NT5DC1: variants seen among roughly 807,000 people sequenced by gnomAD.
NT5DC1 encodes 5'-nucleotidase domain-containing protein 1.
NT5DC1 carries 42 observed loss-of-function variants against 59.4 expected under a neutral mutation model. That is an observed-to-expected ratio of 0.71 (90% CI 0.55 to 0.92). The LOEUF (loss-of-function observed/expected upper bound fraction) is 0.92. NT5DC1 is among the 40% of genes least tolerant of loss of function. The probability of loss-of-function intolerance (pLI) is 0.00; values close to 1 mark genes in which losing one functional copy is unlikely to be tolerated. For synonymous variants in NT5DC1, 172 were observed against 188.1 expected (o/e 0.91, Z 0.70); for missense variants, 501 against 537.1 (o/e 0.93, Z 0.66).
At chr6:116,167,353 C>T (rs539377861) in intron 6 of NT5DC1, among the ~76,000 whole-genome samples, 1 of 151,954 alleles carries the variant, frequency 6.6e-6, no homozygotes. Context: ...ATTGGGACTA[C>T]AGGCATGCGC....
At chr6:116,190,913 T>G (rs1308175841) in intron 6 of NT5DC1, among the ~76,000 whole-genome samples, 1 of 151,978 alleles carries the variant, frequency 6.6e-6, no homozygotes, top group Non-Finnish European at 1.5e-5. Flanking sequence ...TACCCCTGTT[T>G]ATAAGGATGA....
At chr6:116,134,930 A>C (rs1779553259) in intron 6 of NT5DC1, among the ~76,000 whole-genome samples, 1 of 152,312 alleles carries the variant, frequency 6.6e-6, no homozygotes, top group Admixed American at 6.5e-5. Flanking sequence ...GAATCTTGGG[A>C]GTTTAGAGAG....
At chr6:116,184,905 T>C (rs955429382) in intron 6 of NT5DC1, among the ~76,000 whole-genome samples, 2 of 152,038 alleles carry the variant, frequency 1.3e-5, no homozygotes, top group East Asian at 3.9e-4. Flanking sequence ...ATTATTTCTT[T>C]TCTTCTGCTG....
chr6:116,108,397 G>T lies in NT5DC1; in HGVS notation c.219G>T (p.Gly73=). 1 of 1,610,546 alleles carries T rather than the reference G, an allele frequency of 6.2e-7. No individual in the cohort carries two copies. ...CKGLALDLED[G]NFLKLANNGT... ...GTTTGGCATTGGATCTAGAAGATGG[G>T]AACTTCCTTAAACTTGCAAATAATG... Residue 73 remains glycine, a synonymous_variant, in exon 3 of 12, where the codon GGG becomes GGT. Transcript: ENST00000319550.
intron 6 of NT5DC1, among the ~76,000 whole-genome samples, chr6:116,195,407 C>CT (rs1212300607): frequency 2.0e-5 from 3 of 151,236 alleles, no homozygotes; most frequent in Non-Finnish European, 3.0e-5. Flanking sequence ...ATTAAATTAA[C>CT]TTTTTTTTTA....
intron 6 of NT5DC1, among the ~76,000 whole-genome samples, chr6:116,189,559 T>A (rs1193355939): frequency 6.6e-6 from 1 of 151,962 alleles, no homozygotes; most frequent in African/African-American, 2.4e-5. Context: ...TGGATGACAT[T>A]GAGTTGTGCT....
chr6:116,244,193 A>G lies in NT5DC1; in HGVS notation c.*169A>G, dbSNP rs1422500465. The G allele has an allele frequency of 9.1e-6, 4 of 438,720 alleles. No individual in the cohort carries two copies. Among genetic ancestry groups the G allele is most frequent in the African/African-American group, 8.1e-5 (4 of 49,218 alleles). The allele number at this position is 438,720 out of a possible 1,614,324, so 27.2% of individuals were successfully genotyped here. On this transcript the variant is annotated 3_prime_UTR_variant, in exon 12 of 12. Coordinates refer to ENST00000319550, the MANE Select transcript of NT5DC1 (RefSeq NM_152729.3). Reference sequence around the variant, plus strand: ...ATCATCTTGATGTTTAACAACTCTTATTATATTAAAATCTCAGTATCCTAA... The same window carrying G: ...ATCATCTTGATGTTTAACAACTCTTGTTATATTAAAATCTCAGTATCCTAA...
In NT5DC1 at chr6:116,235,034, GGTT is replaced by G. The variant is rs1274240152; in HGVS notation, c.803-1931_803-1929del. ...GAATTTTTTGTTTTGACTTGATTTGGGTTTTTTTTTTTTTTTTTTGCTTCCTAT... is the reference window on the plus strand; with the variant it reads ...GAATTTTTTGTTTTGACTTGATTTGGTTTTTTTTTTTTTTTTGCTTCCTAT... On this transcript the variant is annotated intron_variant, in intron 8 of 11. Coordinates refer to ENST00000319550, the MANE Select transcript of NT5DC1 (RefSeq NM_152729.3). 3.7e-5 allele frequency among the ~76,000 whole-genome samples: 3 copies of G among 80,772 alleles called. No individual in the cohort carries two copies. In the East Asian group the frequency reaches 2.3e-3, roughly 61 times the overall value. The allele number at this position is 80,772 out of a possible 152,430, so 53.0% of individuals were successfully genotyped here. A position where few individuals can be genotyped will look rare whatever the true frequency, so the allele number is the denominator to read the frequency against.
At chr6:116,237,377 A>T in intron 9 of NT5DC1, 1 of 533,060 alleles carries the variant, frequency 1.9e-6, no homozygotes, top group Non-Finnish European at 3.6e-6. Context: ...TAGCTTAAAG[A>T]TACACTTGTT....
At position 116,186,993 on chromosome 6, in the gene NT5DC1, T is replaced by C. The variant is rs548005276; in HGVS notation, c.530-34061T>C. On this transcript the variant is annotated intron_variant, in intron 6 of 11. Transcript: ENST00000319550. ...CTGGTTCCTTCTCATTTGGGTAAACTATGTCAGATGGTAGATCCGGGACTC... is the reference window on the plus strand; with the variant it reads ...CTGGTTCCTTCTCATTTGGGTAAACCATGTCAGATGGTAGATCCGGGACTC... Among the ~76,000 whole-genome samples the C allele has an allele frequency of 2.7e-4, 41 of 152,180 alleles. 1 individual carries two copies. The South Asian group carries it at 6.6e-3, about 25-fold the overall frequency.
At chr6:116,170,414 G>A (rs974806065) in intron 6 of NT5DC1, among the ~76,000 whole-genome samples, 1 of 152,082 alleles carries the variant, frequency 6.6e-6, no homozygotes, top group Admixed American at 6.5e-5. Context: ...AGATTATCTA[G>A]CCACCATTTA....
chr6:116,149,037 C>T (rs1211711167), intron 6 of NT5DC1, among the ~76,000 whole-genome samples: 1 of 152,062 alleles, frequency 6.6e-6, no homozygotes, highest in Non-Finnish European at 1.5e-5. Flanking sequence ...ATTTTTAGCC[C>T]ATTCCATGTG....
rs375829183 is a variant in NT5DC1, at chr6:116,238,354, G to C, written c.1083+6G>C. 1.3e-6 allele frequency: 2 copies of C among 1,571,970 alleles called. No homozygotes were observed. Among genetic ancestry groups the C allele is most frequent in the Non-Finnish European group, 1.7e-6 (2 of 1,162,618 alleles). On this transcript the variant is annotated splice_donor_region_variant and intron_variant, in intron 10 of 11. Transcript: ENST00000319550. ...AGAAGAAAGGAAAATATGAGGTAAGGGTTCCCTGCAGCTCTTTCCTTGAAA... is the reference window on the plus strand; with the variant it reads ...AGAAGAAAGGAAAATATGAGGTAAGCGTTCCCTGCAGCTCTTTCCTTGAAA...
intron 6 of NT5DC1, among the ~76,000 whole-genome samples, chr6:116,144,514 G>C (rs1779848109): frequency 6.6e-6 from 1 of 151,130 alleles, no homozygotes; most frequent in Non-Finnish European, 1.5e-5. Flanking sequence ...AAAAAAAAAA[G>C]TGTAAAAGGA....
intron 6 of NT5DC1, among the ~76,000 whole-genome samples, chr6:116,206,139 A>G (rs1781445094): frequency 6.6e-6 from 1 of 151,996 alleles, no homozygotes; most frequent in African/African-American, 2.4e-5. Flanking sequence ...GGTAAGTAGC[A>G]TTTTGATAAG....
chr6:116,137,450 G>A (rs565907370), intron 6 of NT5DC1: 1 of 167,206 alleles, frequency 6.0e-6, no homozygotes, highest in Non-Finnish European at 1.3e-5. Context: ...AGTACACCTG[G>A]CCTTTGTGCA....
chr6:116,114,617 T>C (rs1016125602), intron 4 of NT5DC1, among the ~76,000 whole-genome samples: 1 of 151,974 alleles, frequency 6.6e-6, no homozygotes, highest in Non-Finnish European at 1.5e-5. Flanking sequence ...CTTTACCTAT[T>C]GGTTCTGTTT....
intron 6 of NT5DC1, among the ~76,000 whole-genome samples, chr6:116,190,263 T>C (rs1339634056): frequency 6.6e-6 from 1 of 152,050 alleles, no homozygotes; most frequent in Non-Finnish European, 1.5e-5. Flanking sequence ...AAATTATCTA[T>C]GTATTTTTTC....
chr6:116,130,893 C>T (rs1324067215), intron 6 of NT5DC1, among the ~76,000 whole-genome samples: 1 of 151,742 alleles, frequency 6.6e-6, no homozygotes, highest in Non-Finnish European at 1.5e-5. Flanking sequence ...AAAATATAAG[C>T]CGTTTGATTA....
Sources: allele counts gnomAD v4.1 joint callset (sites outside exome capture counted in the v4.1 genomes callset), GRCh38; gene constraint gnomAD v4.1.1; transcripts MANE v1.5; gene names NCBI Gene and HGNC (gene_info 2026-07-23, HGNC 2026-07-21).